Variants in GET3 observed in about 807,000 individuals in gnomAD.
The protein encoded by GET3 is guided entry of tail-anchored proteins factor 3, ATPase.
In GET3, 15 loss-of-function variants were observed where a neutral mutation model predicts 32.4. The ratio of observed to expected loss-of-function variants is 0.46; its 90% confidence interval spans 0.31 to 0.71. GET3 has a LOEUF of 0.71. Ranked by LOEUF, GET3 falls within the 30% of genes least tolerant of loss-of-function variation. The probability of loss-of-function intolerance (pLI) is 0.05; values close to 1 mark genes in which losing one functional copy is unlikely to be tolerated. For synonymous variants in GET3, 198 were observed against 185.6 expected, an observed-to-expected ratio of 1.07 and a Z score of -0.54; for missense variants, 333 against 459.0, an observed-to-expected ratio of 0.73 and a Z score of 2.51.
chr19:12,746,434 C>A (rs934790912), intron 4 of GET3, among the ~76,000 whole-genome samples: 1 of 152,170 alleles, frequency 6.6e-6, no homozygotes, highest in Non-Finnish European at 1.5e-5. Context: ...TGCCCAGCCC[C>A]CATGGGTTAT....
Position 12,745,234 on chromosome 19 carries a change from A to T in GET3, c.310-143A>T. The T allele has an allele frequency of 1.1e-6, 1 of 881,040 alleles. No individual in the cohort carries two copies. The highest frequency in any genetic ancestry group is 1.7e-6 in the Non-Finnish European group (1 of 580,736). The allele number at this position is 881,040 out of a possible 1,614,324, so 54.6% of individuals were successfully genotyped here. On this transcript the variant is annotated intron_variant, in intron 2 of 6. Transcript: ENST00000357332. This position sits in a 1 kb window ranked among gnomAD's most constrained non-coding sequence, Gnocchi z 5.0. ...CTCAGGGTCCCCCCAGCCGTGACCT[A>T]ATGAAATGCCTGTGGTCACAGCCCA... is the stretch of plus-strand genomic sequence containing the variant.
intron 1 of GET3, 116 bp downstream of exon 1, chr19:12,737,782 G>C: frequency 4.4e-6 from 6 of 1,365,752 alleles, no homozygotes; most frequent in Non-Finnish European, 1.9e-6. Flanking sequence ...GGGGGTCTTT[G>C]GGTTTCACTC....
At chr19:12,746,150 C>T (rs527275771) in intron 4 of GET3, among the ~76,000 whole-genome samples, 2 of 152,044 alleles carry the variant, frequency 1.3e-5, no homozygotes, top group East Asian at 1.9e-4. Flanking sequence ...TATTATTATT[C>T]GAGACGGAGT....
At chr19:12,737,896 T>C (rs1397561704) in intron 1 of GET3, among the ~76,000 whole-genome samples, 1 of 152,140 alleles carries the variant, frequency 6.6e-6, no homozygotes, top group East Asian at 1.9e-4. Context: ...CACAGTGAAC[T>C]CAGCGCCCGG....
At position 12,737,533 on chromosome 19, in the gene GET3, G is replaced by A. The variant is rs749041448; in HGVS notation, c.28G>A (p.Val10Ile). Residue 10 changes from valine to isoleucine, a missense_variant, in exon 1 of 7, where the codon GTT becomes ATT. Physicochemically the swap from Val to Ile is conservative, Grantham distance 29. Transcript: ENST00000357332. MAAGVAGWG[V>I]EAEEFEDAPD... ...GGCGGCAGGGGTGGCCGGGTGGGGG[G>A]TTGAGGCAGAGGAGTTCGAAGATGC... 3.2e-6 allele frequency: 5 copies of A among 1,581,132 alleles called. No individual in the cohort carries two copies. Among genetic ancestry groups the A allele is most frequent in the South Asian group, 2.3e-5 (2 of 86,592 alleles).
intron 2 of GET3, among the ~76,000 whole-genome samples, chr19:12,739,755 G>C (rs1318208620): frequency 1.3e-5 from 2 of 152,078 alleles, no homozygotes; most frequent in African/African-American, 4.8e-5. Context: ...ATTTAAAGCT[G>C]TGTGAGGGCT....
chr19:12,747,422 A>G lies in GET3; in HGVS notation c.745A>G (p.Ile249Val), dbSNP rs749341921. 16 of 1,613,648 alleles carry G rather than the reference A, an allele frequency of 9.9e-6. No individual in the cohort carries two copies. The highest frequency in any genetic ancestry group is 1.3e-5 in the African/African-American group (1 of 74,738). ...GCAGACAACTTTCATCTGCGTATGC[A>G]TTGCTGAGTTCCTGTCCCTGTATGA... ...PEQTTFICVC[I>V]AEFLSLYETE... The change falls in exon 6 of 7, where the codon ATT (isoleucine) becomes GTT (valine). Residue 249 changes from isoleucine (I) to valine (V), a missense_variant. Around this residue, in one of 3 missense-constraint regions of GET3, gnomAD observed 230 missense variants for 389.2 expected, o/e 0.59. Transcript: ENST00000357332. This position sits in a 1 kb window ranked among gnomAD's most constrained non-coding sequence, Gnocchi z 4.0.
rs1415103008 is a variant in GET3 at position 12,748,154 on chromosome 19, C to T, written c.*50C>T. 4.6e-6 allele frequency: 7 copies of T among 1,520,908 alleles called. No individual in the cohort carries two copies. Among genetic ancestry groups the T allele is most frequent in the African/African-American group, 1.4e-5 (1 of 72,830 alleles). 94.2% of individuals were successfully genotyped at this position (1,520,908 alleles called of 1,614,324 possible). On this transcript the variant is annotated 3_prime_UTR_variant, in exon 7 of 7. Coordinates refer to ENST00000357332, the MANE Select transcript of GET3 (RefSeq NM_004317.4). ...CCATTTCACACTCACCCTCCACCCTCCCCACCCCCTCGGGGCAGAGTTTGC... is the reference window on the plus strand; with the variant it reads ...CCATTTCACACTCACCCTCCACCCTTCCCACCCCCTCGGGGCAGAGTTTGC...
chr19:12,743,006 C>T (rs1056644265), intron 2 of GET3, among the ~76,000 whole-genome samples: 1 of 151,966 alleles, frequency 6.6e-6, no homozygotes, highest in Admixed American at 6.6e-5. Context: ...TTTACAGGGG[C>T]CAGGTGAGGG....
chr19:12,745,198 C>G lies in GET3; in HGVS notation c.310-179C>G, dbSNP rs1004061653. 1.3e-5 allele frequency among the ~76,000 whole-genome samples: 2 copies of G among 152,030 alleles called. No individual in the cohort carries two copies. Among genetic ancestry groups the G allele is most frequent in the African/African-American group, 4.8e-5 (2 of 41,378 alleles). On this transcript the variant is annotated intron_variant, in intron 2 of 6. Transcript: ENST00000357332. The surrounding 1 kb of genome is among the most constrained non-coding windows in gnomAD (Gnocchi z 5.0). ...ACCCTTTATGCAACCATACAAAACC[C>G]TAAGTACTACCTCAGGGTCCCCCCA...
In GET3 at chr19:12,747,910, C is replaced by G. The variant is rs1967804580; in HGVS notation, c.916-63C>G. 1 of 1,493,138 alleles carries G rather than the reference C, an allele frequency of 6.7e-7. No individual in the cohort carries two copies. 92.5% of individuals were successfully genotyped at this position (1,493,138 alleles called of 1,614,324 possible). On this transcript the variant is annotated intron_variant, in intron 6 of 6. Transcript: ENST00000357332. This position sits in a 1 kb window ranked among gnomAD's most constrained non-coding sequence, Gnocchi z 4.0. ...TCTAGCTTTACCGCTTCTATTGATC[C>G]ACACTCTGTCTCTGCCTTCCTGCCC...
At chr19:12,738,387 C>CTCTCCTCTCAAGGCCCCTGCTGATTCGGG (rs1568347589) in intron 1 of GET3, 124 bp from the exon 2 acceptor site, 70 of 1,189,528 alleles carry the variant, frequency 5.9e-5, no homozygotes, top group Non-Finnish European at 8.0e-5. Context: ...ATAACCCATA[C>CTCTCCTCTCAAGGCCCCTGCTGATTCGGG]TCTCCTCTCA....
chr19:12,744,922 A>C (rs950002577), intron 2 of GET3, among the ~76,000 whole-genome samples: 2 of 152,028 alleles, frequency 1.3e-5, no homozygotes, highest in African/African-American at 4.8e-5. Context: ...CCAGCTCCTA[A>C]GGGCTAAACC....
intron 2 of GET3, among the ~76,000 whole-genome samples, chr19:12,743,931 G>A (rs1387432697): frequency 8.3e-5 from 12 of 144,468 alleles, no homozygotes; most frequent in Admixed American, 2.1e-4. Context: ...GGGTTTCACC[G>A]TGTTAGCCAG....
intron 2 of GET3, among the ~76,000 whole-genome samples, chr19:12,741,855 G>T (rs993207803): frequency 6.6e-6 from 1 of 152,158 alleles, no homozygotes; most frequent in African/African-American, 2.4e-5. Context: ...GGAGGCGGAG[G>T]TCACAGTGAG....
Position 12,745,582 on chromosome 19 carries a change from G to T in GET3, c.459-27G>T. ...CTGGGGAAGGGGAAGAGCGGACACA[G>T]AGGGCCTGACCCCTGTCTCCCCTCA... is the stretch of plus-strand genomic sequence containing the variant. On this transcript the variant is annotated intron_variant, in intron 3 of 6. Coordinates refer to ENST00000357332, the MANE Select transcript of GET3 (RefSeq NM_004317.4). This position sits in a 1 kb window ranked among gnomAD's most constrained non-coding sequence, Gnocchi z 5.0. 1 of 1,612,510 alleles carries T rather than the reference G, an allele frequency of 6.2e-7. No individual in the cohort carries two copies. Among genetic ancestry groups the T allele is most frequent in the Non-Finnish European group, 8.5e-7 (1 of 1,179,968 alleles).
chr19:12,740,333 A>G (rs1967644096), intron 2 of GET3, among the ~76,000 whole-genome samples: 1 of 151,704 alleles, frequency 6.6e-6, no homozygotes, highest in South Asian at 2.1e-4. Flanking sequence ...GTGAGCTGAG[A>G]TCGCGCCACT....
rs1233579075 is a variant in GET3, at chr19:12,745,371, C to G, written c.310-6C>G. ...GCAACCTCAGTCTCATCCCTTTGGCCCCCAGGAGATTGACCCCAGCCTGGG... is the reference window on the plus strand; with the variant it reads ...GCAACCTCAGTCTCATCCCTTTGGCGCCCAGGAGATTGACCCCAGCCTGGG... On this transcript the variant is annotated splice_polypyrimidine_tract_variant and splice_region_variant and intron_variant, in intron 2 of 6. Transcript: ENST00000357332. The surrounding 1 kb of genome is among the most constrained non-coding windows in gnomAD (Gnocchi z 5.0). 1 of 1,608,270 alleles carries G rather than the reference C, an allele frequency of 6.2e-7. No individual in the cohort carries two copies. Among genetic ancestry groups the G allele is most frequent in the South Asian group, 1.1e-5 (1 of 91,054 alleles).
At chr19:12,740,017 A>T (rs1297072020) in intron 2 of GET3, among the ~76,000 whole-genome samples, 1 of 151,902 alleles carries the variant, frequency 6.6e-6, no homozygotes, top group Non-Finnish European at 1.5e-5. Context: ...TGCTGGGATT[A>T]CAGGTGCCTA....
Sources: gnomAD v4.1 joint callset for allele counts (sites outside exome capture counted in the v4.1 genomes callset) on GRCh38, gnomAD v4.1.1 for gene constraint, gnomAD v4.1.1 regional missense constraint, Gnocchi (gnomAD v3.1) non-coding constraint, MANE v1.5 for transcripts, NCBI Gene and HGNC (gene_info 2026-07-23, HGNC 2026-07-21) for gene names.